Variants in ROBO1 observed in about 807,000 individuals in gnomAD.
ROBO1 encodes roundabout homolog 1.
In ROBO1, 149 loss-of-function variants were observed where a neutral mutation model predicts 195.9. The ratio of observed to expected loss-of-function variants is 0.76; its 90% CI spans 0.67 to 0.87. The LOEUF (loss-of-function observed/expected upper bound fraction) is 0.87, where lower values mean the gene tolerates loss of function less well. ROBO1 is among the 40% of genes least tolerant of loss of function. The pLI is 0.00. For missense variants in ROBO1, 1,933 were observed against 2,068.3 expected, an observed-to-expected ratio of 0.93 and a Z score of 1.27; for synonymous variants, 816 against 733.2, an observed-to-expected ratio of 1.11 and a Z score of -1.82.
At chr3:79,252,647 A>G (rs2082753073) in intron 2 of ROBO1, among the ~76,000 whole-genome samples, 1 of 152,188 alleles carries the variant, frequency 6.6e-6, no homozygotes. Context: ...TAATTGTAAT[A>G]GCAGCCAGCA....
At chr3:79,661,062 A>C (rs1946313474) in intron 1 of ROBO1, among the ~76,000 whole-genome samples, 2 of 152,108 alleles carry the variant, frequency 1.3e-5, no homozygotes, top group African/African-American at 2.4e-5. Context: ...AGAGGCACAA[A>C]GGATGAACTT....
chr3:79,239,539 T>C (rs1559757155), intron 2 of ROBO1, among the ~76,000 whole-genome samples: 1 of 152,186 alleles, frequency 6.6e-6, no homozygotes, highest in Non-Finnish European at 1.5e-5. Context: ...TGTGGCTTCA[T>C]TCTGCTTTCC....
intron 8 of ROBO1, among the ~76,000 whole-genome samples, chr3:78,704,946 C>G (rs1042512699): frequency 1.3e-5 from 2 of 152,154 alleles, no homozygotes; most frequent in Admixed American, 1.3e-4. Flanking sequence ...ATCAAATGCA[C>G]ATTTCTTTTT....
chr3:79,430,845 T>C (rs2038647948), intron 2 of ROBO1, among the ~76,000 whole-genome samples: 1 of 152,114 alleles, frequency 6.6e-6, no homozygotes. Flanking sequence ...ATTGATGGGA[T>C]TTTGAATTTC....
At position 79,606,961 on chromosome 3, in the gene ROBO1, C is replaced by T. The variant is rs1319695008; in HGVS notation, c.-50-17000G>A. Among the ~76,000 whole-genome samples, 8 of 151,926 alleles carry T rather than the reference C, an allele frequency of 5.3e-5. No individual in the cohort carries two copies. In the South Asian group the frequency reaches 1.2e-3, roughly 24 times the overall value. ...TAAGAATTTCTATACAGTAAGTCCC[C>T]GCTATTAGGGCTGAAAATCCCATGA... On this transcript the variant is annotated intron_variant, in intron 1 of 30. Transcript: ENST00000464233.
chr3:78,940,346 G>C (rs1049051012), intron 3 of ROBO1, among the ~76,000 whole-genome samples: 3 of 152,156 alleles, frequency 2.0e-5, no homozygotes, highest in Admixed American at 2.0e-4. Context: ...CCAGATGAAG[G>C]CTCTGAAATG....
At chr3:79,587,392 C>G (rs1315769404) in intron 2 of ROBO1, among the ~76,000 whole-genome samples, 1 of 151,708 alleles carries the variant, frequency 6.6e-6, no homozygotes, top group Admixed American at 6.6e-5. Context: ...TTGCTCTTTT[C>G]TTTTGTACCC....
intron 1 of ROBO1, among the ~76,000 whole-genome samples, chr3:79,682,987 A>ATG (rs60788562): frequency 6.6e-6 from 1 of 151,764 alleles, no homozygotes; most frequent in African/African-American, 2.4e-5. Flanking sequence ...AAAGACATAT[A>ATG]GGATATAGCA....
rs561445909 is a variant in ROBO1 at position 78,652,467 on chromosome 3, A to ATG, written c.2615-540_2615-539dup. Among the ~76,000 whole-genome samples the ATG allele has an allele frequency of 1.4e-4, 22 of 152,176 alleles. No homozygotes were observed. The South Asian group carries it at 3.7e-3, about 26-fold the overall frequency. On this transcript the variant is annotated intron_variant, in intron 18 of 30. Transcript: ENST00000464233. ...TATGGAAAAGTCTCTATGTGTGTGC[A>ATG]TGTGTGTGTGTACCCCGACACTAAC... is the stretch of plus-strand genomic sequence containing the variant.
At chr3:79,530,330 C>T (rs1941596399) in intron 2 of ROBO1, among the ~76,000 whole-genome samples, 1 of 151,974 alleles carries the variant, frequency 6.6e-6, no homozygotes, top group African/African-American at 2.4e-5. Flanking sequence ...AAATATATAT[C>T]ATCAGCCAAT....
At chr3:78,704,587 C>T (rs1424360595) in intron 8 of ROBO1, among the ~76,000 whole-genome samples, 2 of 106,720 alleles carry the variant, frequency 1.9e-5, no homozygotes, top group African/African-American at 6.1e-5. Context: ...GTTCATTAAA[C>T]ACACACATAC....
intron 3 of ROBO1, among the ~76,000 whole-genome samples, chr3:79,057,166 C>T (rs901907981): frequency 6.6e-6 from 1 of 152,022 alleles, no homozygotes; most frequent in Non-Finnish European, 1.5e-5. Flanking sequence ...ACTGATGGCT[C>T]CAATGAAAAT....
chr3:79,547,010 T>C (rs1255625267), intron 2 of ROBO1, among the ~76,000 whole-genome samples: 1 of 151,624 alleles, frequency 6.6e-6, no homozygotes, highest in East Asian at 2.0e-4. Flanking sequence ...TGAAAACCCA[T>C]CTGTACTAAA....
rs569846810 is a variant in ROBO1 at position 78,878,598 on chromosome 3, A to C, written c.499+60003T>G. 5.2e-3 allele frequency among the ~76,000 whole-genome samples: 788 copies of C among 151,104 alleles called. 10 individuals carry two copies. The highest frequency in any genetic ancestry group is 0.031 in the Middle Eastern group (9 of 288). On this transcript the variant is annotated intron_variant, in intron 4 of 30. Transcript: ENST00000464233. ...AACCCCATCTCAAAAAAAAAAAAAA[A>C]AAAAAAAAAACTGCATAATGGGCAC...
intron 4 of ROBO1, among the ~76,000 whole-genome samples, chr3:78,760,969 G>A (rs1330924146): frequency 4.0e-5 from 6 of 151,418 alleles, no homozygotes; most frequent in Non-Finnish European, 8.8e-5. Context: ...AAATTGTAAC[G>A]TTTAAAGAAA....
chr3:79,714,398 G>T (rs1173042812), intron 1 of ROBO1, among the ~76,000 whole-genome samples: 3 of 152,144 alleles, frequency 2.0e-5, no homozygotes, highest in Non-Finnish European at 2.9e-5. Context: ...TACACTGTTG[G>T]TGGGAATGTA....
intron 3 of ROBO1, among the ~76,000 whole-genome samples, chr3:79,031,718 A>C (rs2078298826): frequency 6.6e-6 from 1 of 152,028 alleles, no homozygotes; most frequent in Non-Finnish European, 1.5e-5. Flanking sequence ...ATCAAACATT[A>C]ATTGATTATT....
At chr3:78,939,037 C>T (rs924420051) in intron 3 of ROBO1, 110 bp from the exon 4 acceptor site, 6 of 896,240 alleles carry the variant, frequency 6.7e-6, no homozygotes, top group Non-Finnish European at 1.0e-5. Flanking sequence ...TAACATTGGC[C>T]TAGCCTTCCT....
chr3:79,143,371 A>C (rs2080571779), intron 2 of ROBO1, among the ~76,000 whole-genome samples: 1 of 152,084 alleles, frequency 6.6e-6, no homozygotes, highest in South Asian at 2.1e-4. Context: ...ATTCTGGCAA[A>C]AACATATAGG....
Sources: allele counts gnomAD v4.1 joint callset (sites outside exome capture counted in the v4.1 genomes callset), GRCh38; gene constraint gnomAD v4.1.1; transcripts MANE v1.5; gene names NCBI Gene and HGNC (gene_info 2026-07-23, HGNC 2026-07-21).